The following LBR variants were observed in gnomAD, a reference collection of about 807,000 sequenced individuals.
LBR encodes the protein lamin B receptor.
Under a neutral mutation model 74.3 loss-of-function variants are expected in LBR, and 28 were observed. That is an observed-to-expected ratio of 0.38 (90% CI 0.28 to 0.52). The LOEUF (loss-of-function observed/expected upper bound fraction) is 0.52. LBR is among the 20% of genes least tolerant of loss of function. The pLI is 0.89. For missense variants in LBR, 717 were observed against 760.3 expected (o/e 0.94, Z 0.67); for synonymous variants, 228 against 269.3 (o/e 0.85, Z 1.50).
chr1:225,411,399 G>A lies in LBR; in HGVS notation c.1126C>T (p.Pro376Ser). 6.2e-7 allele frequency: 1 copy of A among 1,614,070 alleles called. No homozygotes were observed. Among genetic ancestry groups the A allele is most frequent in the South Asian group, 1.1e-5 (1 of 91,082 alleles). ...TTGAGATCAAAAGTACCAATTCGAG[G>A]GTTTAATTCACGGCCAATGAAGAAA... ...YDFFIGRELN[P>S]RIGTFDLKYF... Residue 376 changes from proline (P) to serine (S), a missense_variant, in exon 9 of 14, where the codon CCT becomes TCT. By Grantham distance (74) the Pro-to-Ser change is moderately conservative. Transcript: ENST00000272163.
At position 225,418,172 on chromosome 1, in the gene LBR, G is replaced by A; in HGVS notation, c.649C>T (p.Leu217Phe). The A allele has an allele frequency of 1.2e-6, 2 of 1,613,488 alleles. No homozygotes were observed. The highest frequency in any genetic ancestry group is 8.5e-7 in the Non-Finnish European group (1 of 1,179,568). ...AACACAGGCAGGCCAAACATGATGA[G>A]AAACACACCTGCAAACAATTCATGA... ...LEFGGVPGVFLIMFGLPVFLF... is the reference protein window; with the variant it reads ...LEFGGVPGVFFIMFGLPVFLF... Residue 217 changes from leucine (L) to phenylalanine (F), a missense_variant, in exon 6 of 14, where the codon CTC becomes TTC. Transcript: ENST00000272163.
rs1242076313 is a variant in LBR, at chr1:225,406,733, C to A, written c.1414G>T (p.Ala472Ser). ...VWVPFIYSFQ[A>S]FYLVSHPNEV... is the part of the protein sequence containing the mutation. ...TTTGGATGACTGACTAAATAAAAGG[C>A]TTGGAAGCTGTAAATAAAGGGAACC... The change falls in exon 11 of 14, where the codon GCC becomes TCC. Residue 472 changes from alanine to serine, a missense_variant. By Grantham distance (99) the Ala-to-Ser change is moderately conservative. Coordinates refer to ENST00000272163, the MANE Select transcript of LBR (RefSeq NM_002296.4). 1 of 1,614,084 alleles carries A rather than the reference C, an allele frequency of 6.2e-7. No homozygotes were observed. Among genetic ancestry groups the A allele is most frequent in the Non-Finnish European group, 8.5e-7 (1 of 1,179,972 alleles).
chr1:225,415,427 T>C, intron 6 of LBR, 95 bp from the exon 7 acceptor site: 2 of 683,588 alleles, frequency 2.9e-6, no homozygotes, highest in Non-Finnish European at 5.1e-6. Flanking sequence ...TATCACTTAA[T>C]TTTCAACACG....
Position 225,403,295 on chromosome 1 carries a change from G to C in LBR, c.*8C>G, listed in dbSNP as rs1307697586. 1 of 1,613,508 alleles carries C rather than the reference G, an allele frequency of 6.2e-7. No individual in the cohort carries two copies. The highest frequency in any genetic ancestry group is 1.7e-5 in the Admixed American group (1 of 60,012). Reference sequence around the variant, plus strand: ...GCAGGAGTATTTTGTAGAAAAGCCAGAAGAGCATTAGTAGATGTATGGAAA... The same window carrying C: ...GCAGGAGTATTTTGTAGAAAAGCCACAAGAGCATTAGTAGATGTATGGAAA... On this transcript the variant is annotated 3_prime_UTR_variant, in exon 14 of 14. Coordinates refer to ENST00000272163, the MANE Select transcript of LBR (RefSeq NM_002296.4).
intron 7 of LBR, among the ~76,000 whole-genome samples, chr1:225,414,516 AGCACATGCTCTTACAGTGCGAGAT>A (rs2096113247): frequency 6.6e-6 from 1 of 152,254 alleles, no homozygotes; most frequent in Non-Finnish European, 1.5e-5. Context: ...TGAAGCACTC[AGCACATGCTCTTACAGTGCGAGAT>A]GCCGGACCCA....
intron 8 of LBR, 48 bp downstream of exon 8, chr1:225,412,406 G>A (rs1195857208): frequency 6.4e-7 from 1 of 1,556,144 alleles, no homozygotes; most frequent in Non-Finnish European, 8.9e-7. Flanking sequence ...ATGGCTGCTG[G>A]AGGGCTCTGG....
At chr1:225,413,912 C>T (rs41307740) in intron 7 of LBR, 1 of 456,806 alleles carries the variant, frequency 2.2e-6, no homozygotes, top group Non-Finnish European at 4.4e-6. Context: ...ATGTACCACA[C>T]CCCTCAGAGG....
At chr1:225,421,779 T>A (rs1397939402) in intron 3 of LBR, among the ~76,000 whole-genome samples, 2 of 152,236 alleles carry the variant, frequency 1.3e-5, no homozygotes, top group Admixed American at 1.3e-4. Flanking sequence ...ATATGAACTT[T>A]TATACACTGT....
chr1:225,428,097 C>G (rs2096144699), upstream of LBR: 1 of 152,100 alleles, frequency 6.6e-6, no homozygotes, highest in Non-Finnish European at 1.5e-5. Flanking sequence ...CTCCCCGGCC[C>G]CGCCTCGCGG....
intron 3 of LBR, among the ~76,000 whole-genome samples, chr1:225,421,400 G>A (rs761926405): frequency 6.6e-6 from 1 of 152,354 alleles, no homozygotes; most frequent in East Asian, 1.9e-4. Flanking sequence ...GGCTGAGGCA[G>A]GAGAATGGCG....
chr1:225,425,535 C>CTGG (rs1416996254), intron 1 of LBR, among the ~76,000 whole-genome samples: 47 of 152,070 alleles, frequency 3.1e-4, no homozygotes, highest in Non-Finnish European at 6.2e-4. Flanking sequence ...GCTGAGTCAC[C>CTGG]CGAGGGGCAC....
At chr1:225,406,467 T>A (rs1250166271) in intron 11 of LBR, 197 bp downstream of exon 11, 1 of 529,486 alleles carries the variant, frequency 1.9e-6, no homozygotes, top group Non-Finnish European at 3.4e-6. Context: ...CTGTTTCAAG[T>A]ACTACTGAGA....
In LBR at chr1:225,418,128, C is replaced by T. The variant is rs886360810; in HGVS notation, c.693G>A (p.Leu231=). 1.2e-6 allele frequency: 2 copies of T among 1,614,074 alleles called. No homozygotes were observed. Among genetic ancestry groups the T allele is most frequent in the Non-Finnish European group, 8.5e-7 (1 of 1,179,980 alleles). ...GACTGGGATCTTTCTGTTTACACAT[C>T]AACAGCAACAGGAAGAGGAACACAG... ...GLPVFLFLLL[L]MCKQKDPSLL... The change falls in exon 6 of 14, where the codon TTG becomes TTA. Residue 231 remains leucine, a synonymous_variant. Transcript: ENST00000272163.
Position 225,424,093 on chromosome 1 carries a change from A to C in LBR, c.-14-4T>G. ...CTTGGCATTTTCTATAATTAACCTGAATAGTTTTAAAGAAAAAAATTTGAG... is the reference window on the plus strand; with the variant it reads ...CTTGGCATTTTCTATAATTAACCTGCATAGTTTTAAAGAAAAAAATTTGAG... On this transcript the variant is annotated splice_polypyrimidine_tract_variant and splice_region_variant and intron_variant, in intron 1 of 13. Transcript: ENST00000272163. 6.2e-7 allele frequency: 1 copy of C among 1,612,230 alleles called. No individual in the cohort carries two copies. The highest frequency in any genetic ancestry group is 8.5e-7 in the Non-Finnish European group (1 of 1,178,394).
intron 3 of LBR, among the ~76,000 whole-genome samples, chr1:225,421,049 A>G (rs2096126617): frequency 1.3e-5 from 2 of 152,266 alleles, no homozygotes; most frequent in Admixed American, 1.3e-4. Context: ...CGATTAAGTT[A>G]CATGTATACA....
At position 225,402,224 on chromosome 1, in the gene LBR, T is replaced by C. The variant is rs2096083065; in HGVS notation, c.*1079A>G. The C allele has an allele frequency of 6.6e-6, 1 of 152,162 alleles. No individual in the cohort carries two copies. The highest frequency in any genetic ancestry group is 1.5e-5 in the Non-Finnish European group (1 of 68,004). 9.4% of individuals were successfully genotyped at this position (152,162 alleles called of 1,614,324 possible). On this transcript the variant is annotated 3_prime_UTR_variant, in exon 14 of 14. Transcript: ENST00000272163. The stretch of plus-strand genomic sequence containing the variant: ...GTAAATATAAAGGATACATAAAAAA[T>C]ACAGTATAAACTGCATAAGCTTAAC...
At chr1:225,416,199 G>GA (rs767088477) in intron 6 of LBR, among the ~76,000 whole-genome samples, 1,659 of 140,116 alleles carry the variant, frequency 0.012, 34 homozygotes, top group African/African-American at 0.044. Context: ...CCTGTCTCAA[G>GA]AAAAAAAAAA....
intron 4 of LBR, 69 bp downstream of exon 4, chr1:225,419,646 G>C: frequency 8.5e-7 from 1 of 1,176,548 alleles, no homozygotes; most frequent in Non-Finnish European, 1.3e-6. Flanking sequence ...TGCTTCTCAA[G>C]GGAGAGTCAC....
intron 2 of LBR, among the ~76,000 whole-genome samples, chr1:225,423,509 T>C (rs1226933705): frequency 6.7e-6 from 1 of 149,700 alleles, no homozygotes; most frequent in African/African-American, 2.5e-5. Flanking sequence ...CATACTGCCC[T>C]CTCTGCAGAA....
Sources: gnomAD v4.1 joint callset for allele counts (sites outside exome capture counted in the v4.1 genomes callset) on GRCh38, gnomAD v4.1.1 for gene constraint, MANE v1.5 for transcripts, NCBI Gene and HGNC (gene_info 2026-07-23, HGNC 2026-07-21) for gene names.